QDPR: variants seen among roughly 807,000 people sequenced by gnomAD.
QDPR encodes quinoid dihydropteridine reductase, also known as dihydropteridine reductase.
A neutral mutation model predicts 31.7 loss-of-function variants in QDPR; 23 were observed. That is an observed-to-expected ratio of 0.73 (90% CI 0.52 to 1.03). The LOEUF (loss-of-function observed/expected upper bound fraction) is 1.03. Among genes scored for constraint, QDPR ranks in the 50% least tolerant of loss-of-function variants. The pLI is 0.00. For synonymous variants in QDPR, 124 were observed against 124.7 expected, an observed-to-expected ratio of 0.99 and a Z score of 0.03; for missense variants, 324 against 323.8, an observed-to-expected ratio of 1.00 and a Z score of 0.00.
Position 17,490,369 on chromosome 4 carries a change from A to C in QDPR, c.629+293T>G, listed in dbSNP as rs112731319. ...ACAAGCATGATGGACCTCATGATAC[A>C]GGTGGGGAAACTGAGGCCTCAGCAG... On this transcript the variant is annotated intron_variant, in intron 6 of 6. Coordinates refer to ENST00000281243, the MANE Select transcript of QDPR (RefSeq NM_000320.3). 183 of 399,910 alleles carry C rather than the reference A, an allele frequency of 4.6e-4. 1 individual carries two copies. Among genetic ancestry groups the C allele is most frequent in the African/African-American group, 3.4e-3 (167 of 48,608 alleles). The allele number at this position is 399,910 out of a possible 1,614,324, so 24.8% of individuals were successfully genotyped here.
intron 1 of QDPR, among the ~76,000 whole-genome samples, 156 bp downstream of exon 1, chr4:17,511,794 A>C (rs1183172133): frequency 6.6e-6 from 1 of 152,160 alleles, no homozygotes; most frequent in Non-Finnish European, 1.5e-5. Context: ...CGGAAACAGG[A>C]ATAGACGCGT....
At chr4:17,496,342 G>T (rs1405883081) in intron 4 of QDPR, among the ~76,000 whole-genome samples, 1 of 149,526 alleles carries the variant, frequency 6.7e-6, no homozygotes, top group Non-Finnish European at 1.5e-5. Flanking sequence ...CTGCTCCAGA[G>T]GCTGAGGCAG....
Position 17,512,062 on chromosome 4 carries a change from C to T in QDPR, c.-8G>A. ...AGCCGCCGCCGCCGCCATCCTGCTC[C>T]TGCCAGCCCGGCTCCCGCAGCTCCG... is the stretch of plus-strand genomic sequence containing the variant. On this transcript the variant is annotated 5_prime_UTR_variant, in exon 1 of 7. Transcript: ENST00000281243. The T allele has an allele frequency of 1.3e-6, 2 of 1,588,018 alleles. No homozygotes were observed. The highest frequency in any genetic ancestry group is 1.4e-5 in the African/African-American group (1 of 73,100).
At chr4:17,511,801 G>C in intron 1 of QDPR, 149 bp downstream of exon 1, 1 of 754,924 alleles carries the variant, frequency 1.3e-6, no homozygotes, top group Non-Finnish European at 2.1e-6. Context: ...AGGAATAGAC[G>C]CGTAGACCTG....
intron 4 of QDPR, among the ~76,000 whole-genome samples, chr4:17,498,991 T>C (rs1312664486): frequency 6.6e-6 from 1 of 152,202 alleles, no homozygotes; most frequent in East Asian, 1.9e-4. Context: ...AGGTTAAAGA[T>C]GAACAAATTC....
intron 2 of QDPR, among the ~76,000 whole-genome samples, chr4:17,508,981 A>G (rs367976275): frequency 2.0e-5 from 3 of 151,996 alleles, no homozygotes; most frequent in East Asian, 1.9e-4. Context: ...ACATGGTGAA[A>G]CCCCGTCTCT....
At position 17,512,083 on chromosome 4, in the gene QDPR, C is replaced by G. The variant is rs756870356; in HGVS notation, c.-29G>C. On this transcript the variant is annotated 5_prime_UTR_variant, in exon 1 of 7. Coordinates refer to ENST00000281243, the MANE Select transcript of QDPR (RefSeq NM_000320.3). ...GCTCCTGCCAGCCCGGCTCCCGCAG[C>G]TCCGAATGCCTCGAGCCGGAGCGCC... The G allele has an allele frequency of 6.6e-7, 1 of 1,521,972 alleles. No individual in the cohort carries two copies. 94.3% of individuals were successfully genotyped at this position (1,521,972 alleles called of 1,614,324 possible).
intron 2 of QDPR, among the ~76,000 whole-genome samples, chr4:17,506,336 G>C (rs1319833677): frequency 6.6e-6 from 1 of 152,134 alleles, no homozygotes; most frequent in Non-Finnish European, 1.5e-5. Flanking sequence ...TCGCCATGTT[G>C]CACAGGCTGG....
intron 2 of QDPR, among the ~76,000 whole-genome samples, chr4:17,508,061 T>C (rs1718850749): frequency 6.6e-6 from 1 of 152,256 alleles, no homozygotes; most frequent in South Asian, 2.1e-4. Flanking sequence ...ATGCATATCA[T>C]TTTATAATTA....
intron 5 of QDPR, 63 bp from the exon 6 acceptor site, chr4:17,490,808 C>A: frequency 7.3e-7 from 1 of 1,378,270 alleles, no homozygotes; most frequent in Non-Finnish European, 1.0e-6. Context: ...GGTGCCCAGT[C>A]CCCCTTGGCC....
intron 2 of QDPR, among the ~76,000 whole-genome samples, chr4:17,504,903 T>C (rs1425596676): frequency 1.3e-5 from 2 of 152,180 alleles, no homozygotes; most frequent in Non-Finnish European, 2.9e-5. Context: ...CAACCCTGTT[T>C]TCCCCACCCC....
intron 2 of QDPR, among the ~76,000 whole-genome samples, chr4:17,505,337 C>T (rs2108994992): frequency 6.6e-6 from 1 of 150,928 alleles, no homozygotes; most frequent in South Asian, 2.1e-4. Context: ...ACCTCCACCT[C>T]CCCGGTTCAA....
chr4:17,492,150 G>GT lies in QDPR; in HGVS notation c.545+81dup. 8 of 1,210,614 alleles carry GT rather than the reference G, an allele frequency of 6.6e-6. No individual in the cohort carries two copies. In the South Asian group the frequency reaches 1.0e-4, roughly 16 times the overall value. 75.0% of individuals were successfully genotyped at this position (1,210,614 alleles called of 1,614,324 possible). ...AGGTGAGAGCACACCCAGGTCGCCT[G>GT]TGGAAAGCTACAGTCAGACAAACGG... On this transcript the variant is annotated intron_variant, in intron 5 of 6. Coordinates refer to ENST00000281243, the MANE Select transcript of QDPR (RefSeq NM_000320.3).
chr4:17,487,284 T>C, intron 6 of QDPR, 48 bp from the exon 7 acceptor site: 1 of 1,414,268 alleles, frequency 7.1e-7, no homozygotes. Context: ...AGCAAAAATC[T>C]GGGCACATGC....
chr4:17,505,243 C>CTTTTTTTT (rs1230268105), intron 2 of QDPR, among the ~76,000 whole-genome samples: 12 of 103,290 alleles, frequency 1.2e-4, no homozygotes, highest in Non-Finnish European at 2.0e-4. Flanking sequence ...CTTAAGATTT[C>CTTTTTTTT]TTTTTTTTTT....
intron 2 of QDPR, among the ~76,000 whole-genome samples, chr4:17,508,936 A>G (rs1359160893): frequency 6.6e-6 from 1 of 152,138 alleles, no homozygotes; most frequent in Non-Finnish European, 1.5e-5. Flanking sequence ...AGGCGGGCGG[A>G]TCACAAGGTC....
At chr4:17,504,777 TA>T (rs111520970) in intron 2 of QDPR, among the ~76,000 whole-genome samples, 134 of 148,064 alleles carry the variant, frequency 9.1e-4, no homozygotes, top group Non-Finnish European at 1.1e-3. Context: ...AGGGAAAGGT[TA>T]AAAAAAAAAG....
At chr4:17,493,855 A>T (rs902758149) in intron 4 of QDPR, among the ~76,000 whole-genome samples, 1 of 152,178 alleles carries the variant, frequency 6.6e-6, no homozygotes, top group Non-Finnish European at 1.5e-5. Flanking sequence ...AAGTAGCTCC[A>T]TCCTGAGGCT....
At position 17,509,334 on chromosome 4, in the gene QDPR, A is replaced by G; in HGVS notation, c.135T>C (p.Asn45=). 5 of 1,613,942 alleles carry G rather than the reference A, an allele frequency of 3.1e-6. No individual in the cohort carries two copies. The highest frequency in any genetic ancestry group is 4.2e-6 in the Non-Finnish European group (5 of 1,179,904). Residue 45 remains asparagine, a synonymous_variant, in exon 2 of 7, where the codon AAT becomes AAC. Transcript: ENST00000281243. The part of the protein sequence containing the change: ...WWVASVDVVE[N]EEASASIIVK... ...CAATGATGCTAGCGCTGGCCTCTTC[A>G]TTCTCCACCACATCAACGCTGGCAA... is the stretch of plus-strand genomic sequence containing the variant.
Sources: allele counts gnomAD v4.1 joint callset (sites outside exome capture counted in the v4.1 genomes callset), GRCh38; gene constraint gnomAD v4.1.1; transcripts MANE v1.5; gene names NCBI Gene and HGNC (gene_info 2026-07-23, HGNC 2026-07-21).